SYNPO2: variants seen among roughly 807,000 people sequenced by gnomAD.
The protein encoded by SYNPO2 is synaptopodin-2.
A neutral mutation model predicts 85.0 loss-of-function variants in SYNPO2; 56 were observed. The observed-to-expected ratio is 0.66, with a 90% CI of 0.53 to 0.82. The LOEUF is 0.82. SYNPO2 is among the 40% of genes least tolerant of loss of function. The probability of loss-of-function intolerance (pLI) is 0.00; values close to 1 mark genes in which losing one functional copy is unlikely to be tolerated. For synonymous variants in SYNPO2, 602 were observed against 591.1 expected (o/e 1.02, Z -0.27); for missense variants, 1,575 against 1,534.2 (o/e 1.03, Z -0.44).
chr4:118,940,905 C>T (rs1199450648), intron 1 of SYNPO2, among the ~76,000 whole-genome samples: 1 of 27,958 alleles, frequency 3.6e-5, no homozygotes, highest in Admixed American at 8.1e-4. Flanking sequence ...TGGTGCTCCT[C>T]CGGGTTCTGC....
chr4:118,982,417 C>A (rs1213674106), intron 1 of SYNPO2, among the ~76,000 whole-genome samples: 1 of 152,186 alleles, frequency 6.6e-6, no homozygotes, highest in East Asian at 1.9e-4. Flanking sequence ...CCCATTATAA[C>A]CTCTTTTAAT....
intron 4 of SYNPO2, chr4:119,033,703 T>C: frequency 1.0e-6 from 1 of 985,354 alleles, no homozygotes; most frequent in Non-Finnish European, 1.2e-6. Flanking sequence ...TATTTTTCAC[T>C]ATCCTATTAA....
intron 3 of SYNPO2, 62 bp from the exon 4 acceptor site, chr4:119,029,783 G>A: frequency 1.4e-6 from 2 of 1,473,616 alleles, no homozygotes; most frequent in Non-Finnish European, 1.8e-6. Flanking sequence ...TTTCTGAGTT[G>A]CTGTGGTGTC....
Position 118,910,276 on chromosome 4 carries a change from C to G in SYNPO2, c.105+21135C>G, listed in dbSNP as rs115493558. On this transcript the variant is annotated intron_variant, in intron 1 of 4. Transcript: ENST00000307142. Reference sequence around the variant, plus strand: ...AGGAGACATTATGTAAAAAAGATGTCAGGGGAGAATGAAGGGAGAATGAGA... The same window carrying G: ...AGGAGACATTATGTAAAAAAGATGTGAGGGGAGAATGAAGGGAGAATGAGA... Among the ~76,000 whole-genome samples, 703 of 152,300 alleles carry G rather than the reference C, an allele frequency of 4.6e-3. 2 individuals carry two copies. The highest frequency in any genetic ancestry group is 0.016 in the African/African-American group (675 of 41,568).
intron 1 of SYNPO2, among the ~76,000 whole-genome samples, chr4:119,009,704 G>A (rs563537433): frequency 1.8e-4 from 27 of 152,254 alleles, no homozygotes; most frequent in African/African-American, 5.8e-4. Context: ...GGAAGGCAGG[G>A]GAATAAAAGC....
intron 4 of SYNPO2, chr4:119,032,864 A>ATAAT (rs1162997599): frequency 1.1e-6 from 1 of 939,476 alleles, no homozygotes; most frequent in African/African-American, 1.8e-5. Context: ...AATAATAATA[A>ATAAT]TAATAATAGT....
chr4:118,876,688 TC>T (rs1560812855), intron 1 of SYNPO2, among the ~76,000 whole-genome samples: 1 of 81,578 alleles, frequency 1.2e-5, no homozygotes, highest in Non-Finnish European at 2.6e-5. Context: ...TTTCTTTCTT[TC>T]TTTCTTTCTT....
chr4:118,976,036 T>C (rs1735713694), intron 1 of SYNPO2, among the ~76,000 whole-genome samples: 1 of 152,224 alleles, frequency 6.6e-6, no homozygotes, highest in African/African-American at 2.4e-5. Context: ...GCTTTTGAAA[T>C]CTTTCTTGCC....
chr4:119,002,510 C>T (rs1026566077), intron 1 of SYNPO2, among the ~76,000 whole-genome samples: 20 of 152,120 alleles, frequency 1.3e-4, no homozygotes, highest in African/African-American at 4.1e-4. Context: ...CCACCGGCCT[C>T]GGCCTCCCAA....
intron 1 of SYNPO2, among the ~76,000 whole-genome samples, chr4:119,006,892 T>C (rs1737051190): frequency 6.6e-6 from 1 of 152,068 alleles, no homozygotes; most frequent in Non-Finnish European, 1.5e-5. Flanking sequence ...CTTTGTTTTA[T>C]GCTTGTAACA....
intron 1 of SYNPO2, among the ~76,000 whole-genome samples, chr4:118,890,733 C>CTGTG (rs112390582): frequency 3.6e-4 from 46 of 126,212 alleles, no homozygotes; most frequent in African/African-American, 4.5e-4. Flanking sequence ...CTCTCTCTCT[C>CTGTG]TGTGTGTGTG....
intron 4 of SYNPO2, chr4:119,041,971 AC>A (rs1738730186): frequency 6.6e-6 from 1 of 152,186 alleles, no homozygotes; most frequent in Non-Finnish European, 1.5e-5. Flanking sequence ...TAACATGCAA[AC>A]CACTTAAATC....
chr4:119,050,971 A>G (rs939309864), intron 4 of SYNPO2, among the ~76,000 whole-genome samples: 1 of 152,192 alleles, frequency 6.6e-6, no homozygotes, highest in Non-Finnish European at 1.5e-5. Context: ...GCCTTGCCCA[A>G]CAAACTGGAG....
intron 4 of SYNPO2, chr4:119,034,718 G>C: frequency 5.1e-6 from 5 of 985,516 alleles, no homozygotes; most frequent in Non-Finnish European, 6.0e-6. Flanking sequence ...GGACTAACCA[G>C]CTCCCTGGAG....
At chr4:118,954,826 T>C (rs187794698) in intron 1 of SYNPO2, among the ~76,000 whole-genome samples, 1 of 152,090 alleles carries the variant, frequency 6.6e-6, no homozygotes, top group African/African-American at 2.4e-5. Flanking sequence ...TCTAAGCACT[T>C]TACACAGATT....
At chr4:119,041,579 G>A (rs1245479734) in intron 4 of SYNPO2, among the ~76,000 whole-genome samples, 2 of 151,972 alleles carry the variant, frequency 1.3e-5, no homozygotes, top group Non-Finnish European at 2.9e-5. Flanking sequence ...AGTCCAATAT[G>A]GGCTAGATTT....
At chr4:118,917,170 T>A (rs571782130) in intron 1 of SYNPO2, among the ~76,000 whole-genome samples, 1 of 152,238 alleles carries the variant, frequency 6.6e-6, no homozygotes, top group East Asian at 1.9e-4. Context: ...GGCGGGTGGA[T>A]CGCCTGACGT....
At position 118,949,593 on chromosome 4, in the gene SYNPO2, A is replaced by C. The variant is rs570781877; in HGVS notation, c.105+60452A>C. 7.1e-3 allele frequency among the ~76,000 whole-genome samples: 1,067 copies of C among 150,014 alleles called. 14 individuals are homozygous for C. Among genetic ancestry groups the C allele is most frequent in the African/African-American group, 0.023 (952 of 41,038 alleles). ...CTGTCTCTACTAAAAAAAAAAAAAA[A>C]CAAAAATTAGCTGGGTGTAATGACA... On this transcript the variant is annotated intron_variant, in intron 1 of 4. Coordinates refer to ENST00000307142, the MANE Select transcript of SYNPO2 (RefSeq NM_133477.3).
intron 1 of SYNPO2, 146 bp from the exon 2 acceptor site, chr4:119,023,284 G>A (rs1360460131): frequency 8.5e-6 from 6 of 708,800 alleles, no homozygotes; most frequent in Non-Finnish European, 1.4e-5. Context: ...AAGGTGGTAA[G>A]AAGTATTTAA....
Sources: allele counts gnomAD v4.1 joint callset (sites outside exome capture counted in the v4.1 genomes callset), GRCh38; gene constraint gnomAD v4.1.1; transcripts MANE v1.5; gene names NCBI Gene and HGNC (gene_info 2026-07-23, HGNC 2026-07-21).